Variants in DCDC1 observed in about 807,000 individuals in gnomAD.
DCDC1 encodes doublecortin domain containing 1, also known as doublecortin domain-containing protein 1.
In DCDC1, 200 loss-of-function variants were observed where a neutral mutation model predicts 178.3. The observed-to-expected ratio is 1.12, with a 90% CI of 1.00 to 1.26. The LOEUF (loss-of-function observed/expected upper bound fraction) is 1.26. Ranked by LOEUF, DCDC1 falls within the 50% of genes most tolerant of loss-of-function variation. The probability of loss-of-function intolerance (pLI) is 0.00; values close to 1 mark genes in which losing one functional copy is unlikely to be tolerated. For synonymous variants in DCDC1, 690 were observed against 604.8 expected, an observed-to-expected ratio of 1.14 and a Z score of -2.07; for missense variants, 1,983 against 1,749.2, an observed-to-expected ratio of 1.13 and a Z score of -2.38.
intron 9 of DCDC1, among the ~76,000 whole-genome samples, chr11:31,159,709 G>C (rs971849145): frequency 6.6e-5 from 10 of 152,110 alleles, no homozygotes; most frequent in African/African-American, 2.4e-4. Context: ...TCTATTAATA[G>C]GAAATACAGG....
At chr11:30,985,831 G>T (rs112684530) in intron 20 of DCDC1, among the ~76,000 whole-genome samples, 318 of 152,148 alleles carry the variant, frequency 2.1e-3, no homozygotes, top group African/African-American at 7.2e-3. Context: ...AACATTTATG[G>T]AAATAAATTC....
At position 31,307,642 on chromosome 11, in the gene DCDC1, A is replaced by T; in HGVS notation, c.431T>A (p.Leu144Gln). 3 of 1,613,956 alleles carry T rather than the reference A, an allele frequency of 1.9e-6. No individual in the cohort carries two copies. The highest frequency in any genetic ancestry group is 2.5e-6 in the Non-Finnish European group (3 of 1,179,878). The change falls in exon 4 of 39, where the codon CTG becomes CAG. Residue 144 changes from leucine (L) to glutamine (Q), a missense_variant. Transcript: ENST00000684477. ...AACAGAGAACAGCTTTGATTACCTC[A>T]GTTGACCCACTGGAGCACTGACAGG... is the stretch of plus-strand genomic sequence containing the variant. ...NRPVSAPVGQ[L>Q]RVAEFSSLKF...
intron 11 of DCDC1, among the ~76,000 whole-genome samples, chr11:31,123,045 T>C (rs1961040992): frequency 6.6e-6 from 1 of 151,970 alleles, no homozygotes. Context: ...AACATAAAGG[T>C]GTCACTATAT....
At chr11:31,321,506 C>T (rs549420464) in intron 3 of DCDC1, among the ~76,000 whole-genome samples, 10 of 152,182 alleles carry the variant, frequency 6.6e-5, no homozygotes, top group Admixed American at 5.2e-4. Context: ...CCTCGCCCAG[C>T]TTCGGCTCGC....
intron 17 of DCDC1, among the ~76,000 whole-genome samples, chr11:31,090,589 A>G (rs1371499972): frequency 6.6e-6 from 1 of 152,166 alleles, no homozygotes; most frequent in Non-Finnish European, 1.5e-5. Context: ...GACTGGATCT[A>G]TACCTGGGAA....
At position 30,864,937 on chromosome 11, in the gene DCDC1, A is replaced by G. The variant is rs929991670; in HGVS notation, c.*436T>C. ...CAAAATAGGCCCATTGAAAAAACTGAGTTATTTTGAAGGATAAATTTATTT... is the reference window on the plus strand; with the variant it reads ...CAAAATAGGCCCATTGAAAAAACTGGGTTATTTTGAAGGATAAATTTATTT... On this transcript the variant is annotated 3_prime_UTR_variant, in exon 39 of 39. Coordinates refer to ENST00000684477, the MANE Select transcript of DCDC1 (RefSeq NM_001387274.1). 6.6e-6 allele frequency: 1 copy of G among 152,150 alleles called. No individual in the cohort carries two copies. The highest frequency in any genetic ancestry group is 1.9e-4 in the East Asian group (1 of 5,192). The allele number at this position is 152,150 out of a possible 1,614,324, so 9.4% of individuals were successfully genotyped here. A position where few individuals can be genotyped will look rare whatever the true frequency, so the allele number is the denominator to read the frequency against.
chr11:31,005,951 T>C (rs1234913801), intron 20 of DCDC1, among the ~76,000 whole-genome samples: 2 of 93,588 alleles, frequency 2.1e-5, no homozygotes, highest in Non-Finnish European at 4.2e-5. Flanking sequence ...CTCTTATTCC[T>C]GAAAAAAAAA....
chr11:31,200,089 G>C (rs1182553067), intron 9 of DCDC1, among the ~76,000 whole-genome samples: 2 of 151,998 alleles, frequency 1.3e-5, no homozygotes, highest in Non-Finnish European at 2.9e-5. Flanking sequence ...CTTGAAACTT[G>C]CCCTGGTAAT....
chr11:31,342,482 T>C (rs1277789323), intron 1 of DCDC1, among the ~76,000 whole-genome samples: 3 of 152,190 alleles, frequency 2.0e-5, no homozygotes, highest in African/African-American at 7.2e-5. Flanking sequence ...ATTCAATAAA[T>C]GTCCTAATCT....
rs61879921 is a variant in DCDC1, at chr11:31,356,968, G to C, written c.-125+12729C>G. Among the ~76,000 whole-genome samples the C allele has an allele frequency of 4.6e-5, 7 of 151,796 alleles. No homozygotes were observed. In the East Asian group the frequency reaches 5.8e-4, roughly 13 times the overall value. ...CAATAGCTTACCAACCAAAAAGAGTGCAGGACCAGATGGATTCACAGCCGA... is the reference window on the plus strand; with the variant it reads ...CAATAGCTTACCAACCAAAAAGAGTCCAGGACCAGATGGATTCACAGCCGA... On this transcript the variant is annotated intron_variant, in intron 1 of 38. Transcript: ENST00000684477.
At chr11:30,902,146 A>C (rs1944726530) in intron 32 of DCDC1, among the ~76,000 whole-genome samples, 1 of 152,156 alleles carries the variant, frequency 6.6e-6, no homozygotes, top group African/African-American at 2.4e-5. Context: ...GTTAAAATTT[A>C]ATGGCCAATG....
chr11:31,343,916 T>C (rs1381504772), intron 1 of DCDC1, among the ~76,000 whole-genome samples: 1 of 124,150 alleles, frequency 8.1e-6, no homozygotes, highest in African/African-American at 3.4e-5. Flanking sequence ...TGAGACTCCA[T>C]CTCAAAATAA....
rs191027564 is a variant in DCDC1 at position 31,025,267 on chromosome 11, T to G, written c.2591+39202A>C. On this transcript the variant is annotated intron_variant, in intron 20 of 38. Coordinates refer to ENST00000684477, the MANE Select transcript of DCDC1 (RefSeq NM_001387274.1). ...CCTTTCCCAAAACAGAGACCTATAT[T>G]AAAGCTCCCATCTCATCTGCTGAGA... Among the ~76,000 whole-genome samples, 183 of 151,792 alleles carry G rather than the reference T, an allele frequency of 1.2e-3. 1 individual carries two copies. Among genetic ancestry groups the G allele is most frequent in the African/African-American group, 3.7e-3 (152 of 41,508 alleles).
chr11:31,020,890 A>T (rs972396871), intron 20 of DCDC1, among the ~76,000 whole-genome samples: 1 of 152,244 alleles, frequency 6.6e-6, no homozygotes, highest in Non-Finnish European at 1.5e-5. Context: ...GTGACTTCCC[A>T]TTATATAAAA....
chr11:31,248,914 T>C (rs1437780487), intron 8 of DCDC1, among the ~76,000 whole-genome samples: 1 of 152,196 alleles, frequency 6.6e-6, no homozygotes, highest in Non-Finnish European at 1.5e-5. Context: ...ATGTAAGACA[T>C]TGTTTTATAA....
chr11:31,016,073 A>G (rs1322590053), intron 20 of DCDC1, among the ~76,000 whole-genome samples: 1 of 152,218 alleles, frequency 6.6e-6, no homozygotes, highest in Non-Finnish European at 1.5e-5. Flanking sequence ...GTTGGGTCCC[A>G]TCTGTGTCAC....
At chr11:31,350,761 C>T (rs1951030799) in intron 1 of DCDC1, among the ~76,000 whole-genome samples, 1 of 152,010 alleles carries the variant, frequency 6.6e-6, no homozygotes, top group African/African-American at 2.4e-5. Flanking sequence ...TTCATAATTT[C>T]CATTCTGTTG....
chr11:30,922,783 T>G (rs1370651042), intron 23 of DCDC1, 145 bp from the exon 24 acceptor site: 3 of 773,958 alleles, frequency 3.9e-6, no homozygotes, highest in Non-Finnish European at 3.6e-6. Flanking sequence ...TACCACTCAG[T>G]ACTTTCAAAA....
intron 15 of DCDC1, among the ~76,000 whole-genome samples, chr11:31,095,939 G>A (rs530058527): frequency 6.6e-6 from 1 of 152,222 alleles, no homozygotes; most frequent in East Asian, 1.9e-4. Context: ...AAATGATGTT[G>A]CTTCAATAAC....
Sources: allele counts gnomAD v4.1 joint callset (sites outside exome capture counted in the v4.1 genomes callset), GRCh38; gene constraint gnomAD v4.1.1; transcripts MANE v1.5; gene names NCBI Gene and HGNC (gene_info 2026-07-23, HGNC 2026-07-21).